TLN2: variants seen among roughly 807,000 people sequenced by gnomAD.
The protein encoded by TLN2 is talin-2.
Under a neutral mutation model 294.7 loss-of-function variants are expected in TLN2, and 118 were observed. The observed-to-expected ratio is 0.40, with a 90% CI of 0.34 to 0.47. TLN2 has a LOEUF of 0.47. TLN2 is among the 20% of genes least tolerant of loss of function. The pLI, the probability that TLN2 is intolerant of heterozygous loss-of-function variation, is 0.84. For synonymous variants in TLN2, 1,431 were observed against 1,304.5 expected, an observed-to-expected ratio of 1.10 and a Z score of -2.09; for missense variants, 3,083 against 3,282.2, an observed-to-expected ratio of 0.94 and a Z score of 1.48.
At chr15:62,460,162 T>G (rs1482787374) in intron 1 of TLN2, among the ~76,000 whole-genome samples, 1 of 151,958 alleles carries the variant, frequency 6.6e-6, no homozygotes, top group East Asian at 1.9e-4. Flanking sequence ...ACTGCAAAGG[T>G]GGAAGAAGAT....
chr15:62,684,489 T>G (rs1261957470), intron 11 of TLN2, among the ~76,000 whole-genome samples: 1 of 152,156 alleles, frequency 6.6e-6, no homozygotes, highest in Non-Finnish European at 1.5e-5. Context: ...TGTCAGTGTT[T>G]TTTAAGACTT....
rs147011023 is a variant in TLN2, at chr15:62,651,226, AG to A, written c.235-777del. Among the ~76,000 whole-genome samples the A allele has an allele frequency of 1.1e-3, 163 of 152,316 alleles. 5 individuals carry two copies. In the East Asian group the frequency reaches 0.03, roughly 28 times the overall value. ...AGCAGATCATTCTCAGCCTTGCAGG[AG>A]GTCATACTCTACTTTCATTTCACTG... On this transcript the variant is annotated intron_variant, in intron 5 of 58. Coordinates refer to ENST00000636159, the MANE Select transcript of TLN2 (RefSeq NM_015059.3).
intron 13 of TLN2, among the ~76,000 whole-genome samples, chr15:62,693,377 C>G (rs993602773): frequency 6.6e-6 from 1 of 152,124 alleles, no homozygotes; most frequent in East Asian, 1.9e-4. Context: ...TCTTTAATCA[C>G]TAATTAAGTG....
intron 1 of TLN2, among the ~76,000 whole-genome samples, chr15:62,516,523 A>G (rs1322859520): frequency 2.6e-5 from 4 of 152,226 alleles, no homozygotes; most frequent in Admixed American, 2.0e-4. Flanking sequence ...TATTCACTCT[A>G]TGGTGTTGGT....
chr15:62,508,585 G>A (rs2039759791), intron 1 of TLN2, among the ~76,000 whole-genome samples: 1 of 152,160 alleles, frequency 6.6e-6, no homozygotes, highest in South Asian at 2.1e-4. Flanking sequence ...AAATAAAAAT[G>A]ACCAAATTTT....
chr15:62,531,964 T>A (rs1208469260), intron 1 of TLN2, among the ~76,000 whole-genome samples: 10 of 152,202 alleles, frequency 6.6e-5, no homozygotes, highest in Non-Finnish European at 1.5e-4. Flanking sequence ...CCAAGTGGTG[T>A]GATCCATCAT....
intron 2 of TLN2, among the ~76,000 whole-genome samples, chr15:62,605,966 A>G (rs1025179783): frequency 6.6e-6 from 1 of 152,230 alleles, no homozygotes; most frequent in African/African-American, 2.4e-5. Flanking sequence ...ATTTTGATAG[A>G]CTTGTCTAGA....
chr15:62,638,519 C>G (rs1430359241), intron 3 of TLN2: 1 of 456,048 alleles, frequency 2.2e-6, no homozygotes, highest in Non-Finnish European at 4.4e-6. Flanking sequence ...TGTGCATACC[C>G]TCTCTGTTCA....
intron 47 of TLN2, among the ~76,000 whole-genome samples, chr15:62,796,870 A>T (rs2065521798): frequency 6.6e-6 from 1 of 152,160 alleles, no homozygotes. Context: ...CCTCACAGTC[A>T]CTAGCTATGG....
At position 62,655,965 on chromosome 15, in the gene TLN2, G is replaced by T; in HGVS notation, c.539G>T (p.Arg180Leu). The T allele has an allele frequency of 6.2e-7, 1 of 1,614,122 alleles. No homozygotes were observed. The change falls in exon 8 of 59, where the codon CGA becomes CTA. Residue 180 changes from arginine to leucine, a missense_variant. Coordinates refer to ENST00000636159, the MANE Select transcript of TLN2 (RefSeq NM_015059.3). Reference protein sequence around the residue: ...DDDLNWLDHSRTFREQGVDEN... With the variant: ...DDDLNWLDHSLTFREQGVDEN... ...GCAGTAAATTGGCTGGATCACAGCC[G>T]AACATTCAGAGAACAAGGAGTAGAT... is the stretch of plus-strand genomic sequence containing the variant.
At chr15:62,590,345 T>A (rs2045983046) in intron 2 of TLN2, among the ~76,000 whole-genome samples, 1 of 152,148 alleles carries the variant, frequency 6.6e-6, no homozygotes, top group African/African-American at 2.4e-5. Context: ...GTGTGTGTTG[T>A]TCTCCTCTCT....
intron 16 of TLN2, among the ~76,000 whole-genome samples, chr15:62,699,706 G>C (rs764039839): frequency 6.6e-6 from 1 of 152,186 alleles, no homozygotes; most frequent in African/African-American, 2.4e-5. Flanking sequence ...CAAGTTCCCA[G>C]CTTCTTTGGG....
intron 1 of TLN2, among the ~76,000 whole-genome samples, chr15:62,543,768 A>AG (rs2041837847): frequency 6.6e-6 from 1 of 151,810 alleles, no homozygotes; most frequent in South Asian, 2.1e-4. Flanking sequence ...AAAAAAAAAA[A>AG]AGATGGAGCT....
In TLN2 at chr15:62,713,272, A is replaced by AG. The variant is rs35181652; in HGVS notation, c.2634+1195_2634+1196insG. Among the ~76,000 whole-genome samples, 5 of 6,622 alleles carry AG rather than the reference A, an allele frequency of 7.6e-4. No individual in the cohort carries two copies. In the Admixed American group the frequency reaches 0.025, roughly 33 times the overall value. 4.3% of individuals were successfully genotyped at this position (6,622 alleles called of 152,430 possible). A position where few individuals can be genotyped will look rare whatever the true frequency, so the allele number is the denominator to read the frequency against. ...GGTGACAAGAGCAAACCTGCGTCTC[A>AG]AAAAAAAAAAAAAAAAACAAAAAAT... On this transcript the variant is annotated intron_variant, in intron 22 of 58. Transcript: ENST00000636159.
intron 1 of TLN2, among the ~76,000 whole-genome samples, chr15:62,434,474 C>G (rs938722740): frequency 1.3e-5 from 2 of 151,966 alleles, no homozygotes; most frequent in Non-Finnish European, 2.9e-5. Context: ...TGTGTGCACT[C>G]TTGTGCATGC....
At chr15:62,529,062 G>T (rs2040890154) in intron 1 of TLN2, among the ~76,000 whole-genome samples, 1 of 151,546 alleles carries the variant, frequency 6.6e-6, no homozygotes, top group South Asian at 2.1e-4. Context: ...ATCAGAAGTG[G>T]AATTACTGAG....
intron 11 of TLN2, among the ~76,000 whole-genome samples, chr15:62,676,855 TCCGC>T (rs1445864838): frequency 6.6e-6 from 1 of 152,182 alleles, no homozygotes. Flanking sequence ...GCTCAGGCAG[TCCGC>T]CCACCTTGGC....
At chr15:62,468,106 A>AATAAATTTAATTTATTAAATAAATTT (rs2037247014) in intron 1 of TLN2, among the ~76,000 whole-genome samples, 1 of 151,560 alleles carries the variant, frequency 6.6e-6, no homozygotes, top group South Asian at 2.1e-4. Flanking sequence ...CGAAGGCTTA[A>AATAAATTTAATTTATTAAATAAATTT]ATAAATTTAA....
intron 3 of TLN2, among the ~76,000 whole-genome samples, chr15:62,634,486 T>C (rs1284828640): frequency 6.6e-6 from 1 of 152,254 alleles, no homozygotes; most frequent in Admixed American, 6.5e-5. Context: ...TTTAAAACAC[T>C]GTCCTCAACT....
Sources: allele counts gnomAD v4.1 joint callset (sites outside exome capture counted in the v4.1 genomes callset), GRCh38; gene constraint gnomAD v4.1.1; transcripts MANE v1.5; gene names NCBI Gene and HGNC (gene_info 2026-07-23, HGNC 2026-07-21).